TMCO6: variants seen among roughly 807,000 people sequenced by gnomAD.
TMCO6 encodes the protein transmembrane and coiled-coil domain-containing protein 6.
In TMCO6, 47 loss-of-function variants were observed where a neutral mutation model predicts 61.8. The ratio of observed to expected loss-of-function variants is 0.76; its 90% CI spans 0.60 to 0.97. The LOEUF (loss-of-function observed/expected upper bound fraction) is 0.97, where lower values mean the gene tolerates loss of function less well. TMCO6 is among the 50% of genes least tolerant of loss of function. TMCO6 has a pLI of 0.00. For synonymous variants in TMCO6, 261 were observed against 254.2 expected (o/e 1.03, Z -0.25); for missense variants, 557 against 601.6 (o/e 0.93, Z 0.78).
At chr5:140,621,956 T>A in the TMCO6 span, among the ~76,000 whole-genome samples, 2 of 152,192 alleles carry the variant, frequency 1.3e-5, no homozygotes, top group Non-Finnish European at 2.9e-5. Flanking sequence ...ATGTTATCAA[T>A]GACAATGGTG....
At chr5:140,622,545 A>C in the TMCO6 span, among the ~76,000 whole-genome samples, 1 of 152,186 alleles carries the variant, frequency 6.6e-6, no homozygotes. Flanking sequence ...TAAGAGAGCC[A>C]TCTGCAAAAG....
At chr5:140,646,665 C>T (rs1238875276), downstream of TMCO6, among the ~76,000 whole-genome samples, 1 of 152,136 alleles carries the variant, frequency 6.6e-6, no homozygotes, top group Non-Finnish European at 1.5e-5. Flanking sequence ...AATACATTGC[C>T]ATGCCAGTCT....
chr5:140,632,781 G>T, the TMCO6 span: 1 of 1,613,506 alleles, frequency 6.2e-7, no homozygotes, highest in Non-Finnish European at 8.5e-7. The surrounding 1 kb of genome is among the most constrained non-coding windows in gnomAD (Gnocchi z 6.2). Context: ...CTTTAGAAAC[G>T]GCTCTAGGTT....
At chr5:140,610,884 A>G in the TMCO6 span, among the ~76,000 whole-genome samples, 2 of 152,294 alleles carry the variant, frequency 1.3e-5, no homozygotes, top group Non-Finnish European at 2.9e-5. Context: ...CCATGCAAGA[A>G]AGTTCCCTTC....
At chr5:140,599,916 T>TATAAA in the TMCO6 span, among the ~76,000 whole-genome samples, 3,080 of 144,300 alleles carry the variant, frequency 0.021, 53 homozygotes, top group African/African-American at 0.05. Context: ...TCAAATAAAA[T>TATAAA]ATAAAATAAA....
At chr5:140,617,165 C>T in the TMCO6 span, among the ~76,000 whole-genome samples, 3 of 152,168 alleles carry the variant, frequency 2.0e-5, no homozygotes, top group Non-Finnish European at 4.4e-5. Flanking sequence ...GTGGCTAACA[C>T]CTGTAGTCCC....
chr5:140,633,519 C>A, the TMCO6 span: 3 of 244,388 alleles, frequency 1.2e-5, no homozygotes, highest in South Asian at 1.9e-4. Context: ...TCCAACCCCC[C>A]AATCCCCCTA....
downstream of TMCO6, chr5:140,647,520 G>A (rs1217982877): frequency 1.2e-6 from 2 of 1,612,604 alleles, no homozygotes; most frequent in East Asian, 2.2e-5. Flanking sequence ...TGACATAAGT[G>A]GATGCGAATC....
chr5:140,608,394 G>A, the TMCO6 span, among the ~76,000 whole-genome samples: 14 of 152,074 alleles, frequency 9.2e-5, no homozygotes, highest in Non-Finnish European at 1.6e-4. Flanking sequence ...TATAAACTCT[G>A]GGTAGTAAAC....
At chr5:140,618,664 T>TGG in the TMCO6 span, among the ~76,000 whole-genome samples, 2 of 152,232 alleles carry the variant, frequency 1.3e-5, no homozygotes, top group South Asian at 4.1e-4. Flanking sequence ...CCCACTCAAG[T>TGG]AGACCCCAGT....
At chr5:140,624,373 GAATA>G in the TMCO6 span, among the ~76,000 whole-genome samples, 47,751 of 150,612 alleles carry the variant, frequency 0.32, 7,896 homozygotes, top group African/African-American at 0.42. Context: ...CAAAATAAAT[GAATA>G]AATAAATAAA....
chr5:140,632,786 T>C, the TMCO6 span: 6 of 1,613,660 alleles, frequency 3.7e-6, no homozygotes, highest in Non-Finnish European at 5.1e-6. This position sits in a 1 kb window ranked among gnomAD's most constrained non-coding sequence, Gnocchi z 6.2. Flanking sequence ...GAAACGGCTC[T>C]AGGTTGAGAC....
the TMCO6 span, among the ~76,000 whole-genome samples, chr5:140,629,688 C>G: frequency 0.19 from 29,212 of 152,046 alleles, 3,377 homozygotes; most frequent in East Asian, 0.3. Context: ...AATCCCAGCA[C>G]TTTGGGAGCC....
chr5:140,647,199 C>T, downstream of TMCO6: 2 of 1,507,154 alleles, frequency 1.3e-6, no homozygotes, highest in Non-Finnish European at 1.8e-6. Context: ...GGTCCCTTCT[C>T]TTCTCAAACC....
the TMCO6 span, among the ~76,000 whole-genome samples, chr5:140,607,002 T>A: frequency 0.4 from 37,383 of 94,370 alleles, 4,940 homozygotes; most frequent in African/African-American, 0.47. Context: ...AAAAAAAAAA[T>A]AATAATAATA....
At chr5:140,608,881 T>C in the TMCO6 span, among the ~76,000 whole-genome samples, 2 of 152,238 alleles carry the variant, frequency 1.3e-5, no homozygotes, top group African/African-American at 4.8e-5. Flanking sequence ...ACTACCACAC[T>C]GTCTTAGTTA....
chr5:140,644,580 C>G lies in TMCO6; in HGVS notation c.1208C>G (p.Thr403Arg). 1.2e-6 allele frequency: 2 copies of G among 1,614,098 alleles called. No individual in the cohort carries two copies. The highest frequency in any genetic ancestry group is 1.7e-6 in the Non-Finnish European group (2 of 1,179,980). ...ATATGTGTCTATCTGCAGGTGCTCA[C>G]AGTTCTGTGCAATGTTGCAGAAAAG... ...VSNVVSVMVL[T>R]VLCNVAEKGP... is the part of the protein sequence containing the mutation. Residue 403 changes from threonine (T) to arginine (R), a missense_variant, in exon 11 of 12, where the codon ACA (threonine) becomes AGA (arginine). Coordinates refer to ENST00000394671, the MANE Select transcript of TMCO6 (RefSeq NM_018502.5).
the TMCO6 span, chr5:140,632,174 C>T: frequency 1.9e-6 from 3 of 1,613,982 alleles, no homozygotes; most frequent in East Asian, 4.5e-5. This position sits in a 1 kb window ranked among gnomAD's most constrained non-coding sequence, Gnocchi z 6.2. Flanking sequence ...ACATGCATCT[C>T]GGAGCGCTAG....
At chr5:140,630,826 G>A in the TMCO6 span, among the ~76,000 whole-genome samples, 1 of 152,170 alleles carries the variant, frequency 6.6e-6, no homozygotes, top group South Asian at 2.1e-4. Context: ...TCTGGACATT[G>A]GCCAGAGGCA....
Sources: gnomAD v4.1 joint callset for allele counts (sites outside exome capture counted in the v4.1 genomes callset) on GRCh38, gnomAD v4.1.1 for gene constraint, Gnocchi (gnomAD v3.1) non-coding constraint, MANE v1.5 for transcripts, NCBI Gene and HGNC (gene_info 2026-07-23, HGNC 2026-07-21) for gene names.